ENPP4: variants seen among roughly 807,000 people sequenced by gnomAD.
ENPP4 encodes ectonucleotide pyrophosphatase/phosphodiesterase 4, also known as bis(5'-adenosyl)-triphosphatase ENPP4.
ENPP4 carries 18 observed loss-of-function variants against 33.4 expected under a neutral mutation model. The ratio of observed to expected loss-of-function variants is 0.54; its 90% CI spans 0.37 to 0.80. ENPP4 has a LOEUF of 0.80. Ranked by LOEUF, ENPP4 falls within the 30% of genes least tolerant of loss-of-function variation. ENPP4 has a pLI of 0.00. For synonymous variants in ENPP4, 172 were observed against 189.9 expected, an observed-to-expected ratio of 0.91 and a Z score of 0.78; for missense variants, 480 against 541.7, an observed-to-expected ratio of 0.89 and a Z score of 1.13.
At position 46,145,592 on chromosome 6, in the gene ENPP4, T is replaced by A. The variant is rs1330342824; in HGVS notation, c.*1952T>A. The A allele has an allele frequency of 6.6e-6, 1 of 151,854 alleles. No homozygotes were observed. Among genetic ancestry groups the A allele is most frequent in the Non-Finnish European group, 1.5e-5 (1 of 67,846 alleles). The allele number at this position is 151,854 out of a possible 1,614,324, so 9.4% of individuals were successfully genotyped here. ...AAATAGTAGCAGAATATTTTATACT[T>A]GGTCCTTGCAATGGTGTGAGTTTTA... On this transcript the variant is annotated 3_prime_UTR_variant, in exon 4 of 4. Coordinates refer to ENST00000321037, the MANE Select transcript of ENPP4 (RefSeq NM_014936.5).
chr6:46,139,042 CT>C (rs932981544), intron 1 of ENPP4, among the ~76,000 whole-genome samples: 2 of 151,674 alleles, frequency 1.3e-5, no homozygotes, highest in Admixed American at 6.6e-5. Flanking sequence ...CTTATTCCCC[CT>C]TTTTTATAGC....
chr6:46,136,005 C>A (rs893741492), intron 1 of ENPP4, among the ~76,000 whole-genome samples: 4 of 151,890 alleles, frequency 2.6e-5, no homozygotes, highest in African/African-American at 9.7e-5. Context: ...ATTTCTCTAA[C>A]ACCTTAGCTT....
At chr6:46,131,777 G>A (rs534003980) in intron 1 of ENPP4, among the ~76,000 whole-genome samples, 1 of 152,044 alleles carries the variant, frequency 6.6e-6, no homozygotes, top group East Asian at 1.9e-4. Context: ...CCCACCAACA[G>A]TGTAAAAGTG....
Position 46,130,019 on chromosome 6 carries a change from G to A in ENPP4, c.-204G>A, listed in dbSNP as rs1425712827. On this transcript the variant is annotated 5_prime_UTR_variant, in exon 1 of 4. Coordinates refer to ENST00000321037, the MANE Select transcript of ENPP4 (RefSeq NM_014936.5). ...GAGCGCCCCGAGCGGCGCAGATAGGGACGTTGGGGCTGTGCCCCGCGGCGC... is the reference window on the plus strand; with the variant it reads ...GAGCGCCCCGAGCGGCGCAGATAGGAACGTTGGGGCTGTGCCCCGCGGCGC... The A allele has an allele frequency of 6.6e-6, 1 of 152,256 alleles. No homozygotes were observed. The highest frequency in any genetic ancestry group is 1.5e-5 in the Non-Finnish European group (1 of 68,080). 9.4% of individuals were successfully genotyped at this position (152,256 alleles called of 1,614,324 possible).
At chr6:46,130,482 A>G (rs1763877678) in intron 1 of ENPP4, among the ~76,000 whole-genome samples, 1 of 152,158 alleles carries the variant, frequency 6.6e-6, no homozygotes, top group African/African-American at 2.4e-5. Flanking sequence ...GCCGAACGGT[A>G]GTGGAGGAAC....
Position 46,143,762 on chromosome 6 carries a change from G to GTTAAAA in ENPP4, c.*126_*131dup. 1 of 1,005,334 alleles carries GTTAAAA rather than the reference G, an allele frequency of 9.9e-7. No individual in the cohort carries two copies. The highest frequency in any genetic ancestry group is 1.5e-6 in the Non-Finnish European group (1 of 689,024). 62.3% of individuals were successfully genotyped at this position (1,005,334 alleles called of 1,614,324 possible). A position where few individuals can be genotyped will look rare whatever the true frequency, so the allele number is the denominator to read the frequency against. On this transcript the variant is annotated 3_prime_UTR_variant, in exon 4 of 4. Coordinates refer to ENST00000321037, the MANE Select transcript of ENPP4 (RefSeq NM_014936.5). ...AAGACAAAGAACTTAGACTAAGCAT[G>GTTAAAA]TTAAAATTATTACTTTGTTTTCCTT... is the stretch of plus-strand genomic sequence containing the variant.
At chr6:46,131,068 C>G (rs1204735852) in intron 1 of ENPP4, among the ~76,000 whole-genome samples, 2 of 152,180 alleles carry the variant, frequency 1.3e-5, no homozygotes, top group African/African-American at 4.8e-5. Context: ...TGCACTTGTG[C>G]GTCTTCCCCC....
chr6:46,143,273 C>A lies in ENPP4; in HGVS notation c.998-3C>A. ...TGACTGATGTTGTTTTGTTCTTTTT[C>A]AGTAGGTGACCATGGTTATGATAAT... On this transcript the variant is annotated splice_polypyrimidine_tract_variant and splice_region_variant and intron_variant, in intron 3 of 3. Coordinates refer to ENST00000321037, the MANE Select transcript of ENPP4 (RefSeq NM_014936.5). 6.4e-7 allele frequency: 1 copy of A among 1,556,392 alleles called. No homozygotes were observed. The highest frequency in any genetic ancestry group is 8.7e-7 in the Non-Finnish European group (1 of 1,148,948).
chr6:46,130,142 C>T lies in ENPP4; in HGVS notation c.-81C>T, dbSNP rs1763869002. On this transcript the variant is annotated 5_prime_UTR_variant, in exon 1 of 4. Transcript: ENST00000321037. ...GCAACTTCCCACGAGTGCCAGGTGC[C>T]GCGAGCGCCGAGTTCCGCGCATTGG... 6.6e-6 allele frequency: 1 copy of T among 152,234 alleles called. No individual in the cohort carries two copies. Among genetic ancestry groups the T allele is most frequent in the Non-Finnish European group, 1.5e-5 (1 of 68,068 alleles). 9.4% of individuals were successfully genotyped at this position (152,234 alleles called of 1,614,324 possible). A position where few individuals can be genotyped will look rare whatever the true frequency, so the allele number is the denominator to read the frequency against.
At chr6:46,132,492 C>G (rs62400861) in intron 1 of ENPP4, among the ~76,000 whole-genome samples, 6,545 of 152,224 alleles carry the variant, frequency 0.043, 154 homozygotes, top group Middle Eastern at 0.054. Context: ...TCTGAGGGCT[C>G]TGTTCTGTTC....
intron 1 of ENPP4, among the ~76,000 whole-genome samples, chr6:46,139,202 A>G (rs956022694): frequency 6.6e-6 from 1 of 151,748 alleles, no homozygotes; most frequent in Non-Finnish European, 1.5e-5. Context: ...CATTAACGTT[A>G]TGTTTTACAA....
Position 46,143,259 on chromosome 6 carries a change from G to C in ENPP4, c.998-17G>C. 2 of 1,547,260 alleles carry C rather than the reference G, an allele frequency of 1.3e-6. No homozygotes were observed. The highest frequency in any genetic ancestry group is 1.7e-6 in the Non-Finnish European group (2 of 1,144,752). On this transcript the variant is annotated splice_polypyrimidine_tract_variant and intron_variant, in intron 3 of 3. Transcript: ENST00000321037. ...AAGTCTGATCTTATTGACTGATGTTGTTTTGTTCTTTTTCAGTAGGTGACC... is the reference window on the plus strand; with the variant it reads ...AAGTCTGATCTTATTGACTGATGTTCTTTTGTTCTTTTTCAGTAGGTGACC...
In ENPP4 at chr6:46,131,680, G is replaced by A. The variant is rs1357325824; in HGVS notation, c.-34+1491G>A. On this transcript the variant is annotated intron_variant, in intron 1 of 3. Coordinates refer to ENST00000321037, the MANE Select transcript of ENPP4 (RefSeq NM_014936.5). ...TCCTTTGGGTATATACCCAGTAATG[G>A]GATGGCTGGGTCAAATGGTATTTCT... Among the ~76,000 whole-genome samples, 39 of 151,666 alleles carry A rather than the reference G, an allele frequency of 2.6e-4. 1 individual carries two copies. Among genetic ancestry groups the A allele is most frequent in the African/African-American group, 9.2e-4 (38 of 41,340 alleles).
intron 3 of ENPP4, among the ~76,000 whole-genome samples, chr6:46,142,051 G>A (rs1263662433): frequency 2.0e-5 from 3 of 151,480 alleles, no homozygotes; most frequent in African/African-American, 7.3e-5. Flanking sequence ...GCTATGGGCT[G>A]TAGTTTACAG....
In ENPP4 at chr6:46,140,130, C is replaced by G. The variant is rs147291266; in HGVS notation, c.547C>G (p.Leu183Val). ...NSNPPVTFAT[L>V]YWEEPDASGH... ...GAACCCACCAGTCACCTTTGCAACACTATATTGGGAAGAACCAGATGCAAG... is the reference window on the plus strand; with the variant it reads ...GAACCCACCAGTCACCTTTGCAACAGTATATTGGGAAGAACCAGATGCAAG... The change falls in exon 2 of 4, where the codon CTA (leucine) becomes GTA (valine). Residue 183 changes from leucine to valine, a missense_variant. Physicochemically the swap from Leu to Val is conservative, Grantham distance 32 (BLOSUM62 1). Around this residue, in one of 3 missense-constraint regions of ENPP4, gnomAD observed 227 missense variants for 273.7 expected, o/e 0.83. Coordinates refer to ENST00000321037, the MANE Select transcript of ENPP4 (RefSeq NM_014936.5). The G allele has an allele frequency of 1.2e-6, 2 of 1,612,316 alleles. No individual in the cohort carries two copies. Among genetic ancestry groups the G allele is most frequent in the African/African-American group, 2.7e-5 (2 of 74,768 alleles).
intron 3 of ENPP4, 95 bp from the exon 4 acceptor site, chr6:46,143,181 T>C: frequency 8.0e-7 from 1 of 1,243,128 alleles, no homozygotes; most frequent in African/African-American, 1.5e-5. Context: ...TTCTAGTCCC[T>C]TTCTGAAAGA....
intron 1 of ENPP4, among the ~76,000 whole-genome samples, chr6:46,133,645 G>A (rs1331033400): frequency 6.6e-6 from 1 of 152,046 alleles, no homozygotes; most frequent in Non-Finnish European, 1.5e-5. Context: ...AGTCCAGAGA[G>A]GTCTGCTTTT....
intron 1 of ENPP4, among the ~76,000 whole-genome samples, chr6:46,137,805 A>G (rs1414824315): frequency 2.0e-5 from 3 of 151,874 alleles, no homozygotes; most frequent in Non-Finnish European, 4.4e-5. Context: ...GAGATTTTGT[A>G]GACCCCAAGA....
chr6:46,141,003 C>G (rs977016131), intron 2 of ENPP4, 49 bp from the exon 3 acceptor site: 6 of 1,212,198 alleles, frequency 4.9e-6, no homozygotes, highest in Non-Finnish European at 5.8e-6. Context: ...CATATTTTTT[C>G]CTTATCAATC....
Sources: gnomAD v4.1 joint callset for allele counts (sites outside exome capture counted in the v4.1 genomes callset) on GRCh38, gnomAD v4.1.1 for gene constraint, gnomAD v4.1.1 regional missense constraint, MANE v1.5 for transcripts, NCBI Gene and HGNC (gene_info 2026-07-23, HGNC 2026-07-21) for gene names.